The following CSGALNACT1 variants were observed in gnomAD, a reference collection of about 807,000 sequenced individuals.
The protein encoded by CSGALNACT1 is chondroitin sulfate N-acetylgalactosaminyltransferase 1.
CSGALNACT1 carries 52 observed loss-of-function variants against 51.0 expected under a neutral mutation model. That is an observed-to-expected ratio of 1.02 (90% CI 0.82 to 1.29). The LOEUF (loss-of-function observed/expected upper bound fraction) is 1.29, where lower values mean the gene tolerates loss of function less well. Among genes scored for constraint, CSGALNACT1 ranks in the 50% most tolerant of loss-of-function variants. The pLI is 0.00. For missense variants in CSGALNACT1, 935 were observed against 679.2 expected (o/e 1.38, Z -4.19); for synonymous variants, 341 against 254.4 (o/e 1.34, Z -3.24).
At chr8:19,572,033 T>C (rs1384737329) in intron 3 of CSGALNACT1, among the ~76,000 whole-genome samples, 1 of 152,228 alleles carries the variant, frequency 6.6e-6, no homozygotes, top group Non-Finnish European at 1.5e-5. Flanking sequence ...CTATTTTCAA[T>C]GGATAGAAAA....
chr8:19,684,389 T>G (rs549618039), upstream of CSGALNACT1, among the ~76,000 whole-genome samples: 28 of 152,266 alleles, frequency 1.8e-4, no homozygotes, highest in African/African-American at 6.5e-4. Flanking sequence ...CTCCCAAACA[T>G]TCACCATATG....
chr8:19,576,057 G>C (rs116507993), intron 3 of CSGALNACT1, among the ~76,000 whole-genome samples: 3,119 of 152,214 alleles, frequency 0.02, 101 homozygotes, highest in African/African-American at 0.07. Flanking sequence ...CGAGAGACGG[G>C]AGTGGGTGCT....
At chr8:19,463,587 G>T (rs1361425764) in intron 4 of CSGALNACT1, among the ~76,000 whole-genome samples, 1 of 152,190 alleles carries the variant, frequency 6.6e-6, no homozygotes, top group African/African-American at 2.4e-5. Context: ...CATGCAAATG[G>T]CAAGTACAAA....
rs539760576 is a variant in CSGALNACT1 at position 19,525,666 on chromosome 8, G to A, written c.-296-19536C>T. Among the ~76,000 whole-genome samples the A allele has an allele frequency of 2.7e-3, 277 of 101,208 alleles. 2 individuals carry two copies. The highest frequency in any genetic ancestry group is 0.01 in the African/African-American group (267 of 26,214). 66.4% of individuals were successfully genotyped at this position (101,208 alleles called of 152,430 possible). On this transcript the variant is annotated intron_variant, in intron 3 of 9. Coordinates refer to ENST00000454498, the Ensembl canonical transcript of CSGALNACT1. ...AAAAAAAAAGTAGAGCCCACCATAA[G>A]CCTTGTGCACAAAGCTGGAATAAAT...
intron 1 of CSGALNACT1, among the ~76,000 whole-genome samples, chr8:19,623,549 G>A (rs367846009): frequency 9.2e-5 from 14 of 152,262 alleles, no homozygotes; most frequent in African/African-American, 3.4e-4. Flanking sequence ...TTATTTTCAA[G>A]AGTAAATAGA....
chr8:19,725,172 C>T (rs565206442), intron 1 of CSGALNACT1, among the ~76,000 whole-genome samples: 3 of 152,334 alleles, frequency 2.0e-5, no homozygotes, highest in Non-Finnish European at 4.4e-5. Flanking sequence ...GGATAACTGT[C>T]CATTTTCAGG....
At chr8:19,599,473 AAAG>A (rs1263270796) in intron 2 of CSGALNACT1, among the ~76,000 whole-genome samples, 2 of 8,170 alleles carry the variant, frequency 2.4e-4, no homozygotes, top group East Asian at 3.9e-3. Flanking sequence ...AAAGAAAGAA[AAAG>A]AAAGAAAGAA....
intron 1 of CSGALNACT1, among the ~76,000 whole-genome samples, chr8:19,721,466 G>T (rs1337564593): frequency 6.6e-6 from 1 of 152,136 alleles, no homozygotes; most frequent in Non-Finnish European, 1.5e-5. Flanking sequence ...TCCGCACATG[G>T]TTCTCATGTA....
intron 1 of CSGALNACT1, among the ~76,000 whole-genome samples, chr8:19,712,433 G>A (rs1310300777): frequency 6.6e-6 from 1 of 152,172 alleles, no homozygotes; most frequent in African/African-American, 2.4e-5. Flanking sequence ...CTGTAGTAGG[G>A]AACCAGGAAA....
intron 5 of CSGALNACT1, among the ~76,000 whole-genome samples, chr8:19,444,283 G>A (rs551892982): frequency 1.3e-5 from 2 of 152,202 alleles, no homozygotes; most frequent in South Asian, 2.1e-4. Context: ...AAGTGTTTTT[G>A]TTCTGTATCA....
intron 6 of CSGALNACT1, among the ~76,000 whole-genome samples, chr8:19,434,360 C>T (rs932532040): frequency 2.0e-5 from 3 of 152,116 alleles, no homozygotes; most frequent in Non-Finnish European, 4.4e-5. Flanking sequence ...AATAAGTGCC[C>T]ACATACCCTT....
chr8:19,577,120 T>C (rs1042059490), intron 3 of CSGALNACT1, among the ~76,000 whole-genome samples: 3 of 152,308 alleles, frequency 2.0e-5, no homozygotes, highest in Non-Finnish European at 4.4e-5. Flanking sequence ...TCTCCTCTTA[T>C]GTGTCGTTCA....
At chr8:19,600,272 G>A (rs2050118489) in intron 2 of CSGALNACT1, among the ~76,000 whole-genome samples, 2 of 152,084 alleles carry the variant, frequency 1.3e-5, no homozygotes, top group Admixed American at 1.3e-4. Flanking sequence ...AGTAGAGATG[G>A]GGTTTCACCA....
upstream of CSGALNACT1, among the ~76,000 whole-genome samples, chr8:19,604,039 C>T (rs188941302): frequency 1.0e-3 from 158 of 152,264 alleles, 3 homozygotes; most frequent in African/African-American, 3.6e-3. Context: ...CCTCTTTTTC[C>T]AGTGAAGGTA....
chr8:19,561,538 A>C (rs1171043952), intron 3 of CSGALNACT1, among the ~76,000 whole-genome samples: 1 of 152,174 alleles, frequency 6.6e-6, no homozygotes, highest in African/African-American at 2.4e-5. Context: ...GAAAAAATTC[A>C]AATCTAACTG....
At chr8:19,563,741 C>T (rs1404868815) in intron 3 of CSGALNACT1, among the ~76,000 whole-genome samples, 1 of 152,152 alleles carries the variant, frequency 6.6e-6, no homozygotes, top group Admixed American at 6.5e-5. Context: ...GCGGATCCAG[C>T]CTCCTAACAC....
chr8:19,479,762 GAAAAAAA>G (rs559544868), intron 4 of CSGALNACT1, among the ~76,000 whole-genome samples: 2 of 87,936 alleles, frequency 2.3e-5, no homozygotes, highest in Non-Finnish European at 4.7e-5. Context: ...TCTTGACTTA[GAAAAAAA>G]AAAAAAAAAA....
At chr8:19,687,458 G>A (rs1255716426), upstream of CSGALNACT1, among the ~76,000 whole-genome samples, 1 of 152,114 alleles carries the variant, frequency 6.6e-6, no homozygotes, top group African/African-American at 2.4e-5. Context: ...AATGTACAAT[G>A]CCGTACAGAT....
chr8:19,484,604 G>T (rs1425445881), intron 4 of CSGALNACT1, among the ~76,000 whole-genome samples: 14 of 152,178 alleles, frequency 9.2e-5, no homozygotes, highest in Non-Finnish European at 1.5e-5. Flanking sequence ...TTGCCTGGTT[G>T]CAGGACAGTG....
Sources: gnomAD v4.1 joint callset for allele counts (sites outside exome capture counted in the v4.1 genomes callset) on GRCh38, gnomAD v4.1.1 for gene constraint, MANE v1.5 for transcripts, NCBI Gene and HGNC (gene_info 2026-07-23, HGNC 2026-07-21) for gene names.